Variants in ANXA6 observed in about 807,000 individuals in gnomAD.
ANXA6 encodes 67 kDa calelectrin.
ANXA6 carries 71 observed loss-of-function variants against 95.4 expected under a neutral mutation model. The observed-to-expected ratio is 0.74, with a 90% confidence interval of 0.61 to 0.91. The LOEUF (loss-of-function observed/expected upper bound fraction) is 0.91, where lower values mean the gene tolerates loss of function less well. Ranked by LOEUF, ANXA6 falls within the 40% of genes least tolerant of loss-of-function variation. ANXA6 has a pLI of 0.00. For missense variants in ANXA6, 830 were observed against 876.4 expected (o/e 0.95, Z 0.67); for synonymous variants, 289 against 315.9 (o/e 0.91, Z 0.90).
At position 151,122,155 on chromosome 5, in the gene ANXA6, CCTT is replaced by C. The variant is rs748955020; in HGVS notation, c.1336_1338del (p.Lys446del). ...CTGGTGCCACACTGTACCTCCATGG[CCTT>C]CTTCAACTGCTTGGCATCGTAATGG... is the stretch of plus-strand genomic sequence containing the variant. On this transcript the variant is annotated inframe_deletion, in exon 17 of 26. Transcript: ENST00000354546. 7 of 1,592,748 alleles carry C rather than the reference CCTT, an allele frequency of 4.4e-6. No individual in the cohort carries two copies. Among genetic ancestry groups the C allele is most frequent in the Non-Finnish European group, 6.0e-6 (7 of 1,172,138 alleles).
At chr5:151,104,672 G>GC in intron 24 of ANXA6, among the ~76,000 whole-genome samples, 1 of 152,332 alleles carries the variant, frequency 6.6e-6, no homozygotes, top group South Asian at 2.1e-4. Context: ...ACCTGCCCAG[G>GC]CTATCTGCAG....
rs1156817939 is a variant in ANXA6, at chr5:151,128,174, C to T, written c.977+7G>A. 6.2e-7 allele frequency: 1 copy of T among 1,611,502 alleles called. No individual in the cohort carries two copies. Among genetic ancestry groups the T allele is most frequent in the Admixed American group, 1.7e-5 (1 of 59,768 alleles). Reference sequence around the variant, plus strand: ...GCCCTCCAGCCAGGGGCCAAGAAGCCACTTACTCATCATCTCCCCCAGACA... The same window carrying T: ...GCCCTCCAGCCAGGGGCCAAGAAGCTACTTACTCATCATCTCCCCCAGACA... On this transcript the variant is annotated splice_region_variant and intron_variant, in intron 13 of 25. Transcript: ENST00000354546.
chr5:151,102,858 G>C (rs1167803372), intron 25 of ANXA6, among the ~76,000 whole-genome samples: 1 of 152,222 alleles, frequency 6.6e-6, no homozygotes, highest in Non-Finnish European at 1.5e-5. Context: ...ACAGGTATGA[G>C]AGAGCTTAGT....
chr5:151,156,129 A>C (rs1766231142), intron 1 of ANXA6, among the ~76,000 whole-genome samples: 1 of 152,264 alleles, frequency 6.6e-6, no homozygotes, highest in Non-Finnish European at 1.5e-5. Flanking sequence ...CAAAGGGTAG[A>C]TAAGGCAAAG....
At chr5:151,111,316 C>A (rs1013044786) in intron 20 of ANXA6, among the ~76,000 whole-genome samples, 7 of 152,350 alleles carry the variant, frequency 4.6e-5, no homozygotes, top group Non-Finnish European at 1.0e-4. Flanking sequence ...GAACAAAATA[C>A]CCAGGCTCAT....
intron 1 of ANXA6, among the ~76,000 whole-genome samples, chr5:151,157,137 G>A (rs1471993894): frequency 2.0e-5 from 3 of 152,132 alleles, no homozygotes; most frequent in Non-Finnish European, 4.4e-5. Context: ...AGGGGATGGG[G>A]TCCAATGAGG....
intron 8 of ANXA6, 79 bp downstream of exon 8, chr5:151,134,348 G>T (rs1407287756): frequency 2.1e-6 from 3 of 1,426,628 alleles, no homozygotes; most frequent in Non-Finnish European, 3.0e-6. Context: ...TTCACCTCCA[G>T]CCCTTCCCAG....
chr5:151,110,606 A>C, intron 21 of ANXA6, 21 bp downstream of exon 21: 1 of 1,612,494 alleles, frequency 6.2e-7, no homozygotes, highest in Non-Finnish European at 8.5e-7. Context: ...TTAAAACCCA[A>C]ATGAAGAACA....
intron 7 of ANXA6, 39 bp downstream of exon 7, chr5:151,136,217 T>C: frequency 6.2e-7 from 1 of 1,603,858 alleles, no homozygotes; most frequent in Non-Finnish European, 8.5e-7. Flanking sequence ...ACAAAAGCTA[T>C]CCCAAGCTCC....
At chr5:151,143,799 G>C (rs539576480) in intron 2 of ANXA6, among the ~76,000 whole-genome samples, 2 of 152,046 alleles carry the variant, frequency 1.3e-5, no homozygotes, top group Admixed American at 6.6e-5. Context: ...GAATGACTGC[G>C]AATATATTCC....
intron 5 of ANXA6, among the ~76,000 whole-genome samples, chr5:151,138,444 C>T (rs537071163): frequency 1.1e-4 from 17 of 152,164 alleles, no homozygotes; most frequent in Non-Finnish European, 2.4e-4. Context: ...GTCCCTATAA[C>T]CTGTATCCTT....
intron 2 of ANXA6, 47 bp downstream of exon 2, chr5:151,147,837 G>A: frequency 6.3e-7 from 1 of 1,575,740 alleles, no homozygotes; most frequent in Non-Finnish European, 8.6e-7. Context: ...AGGATCCCAG[G>A]CCCAGAGAAG....
At chr5:151,131,381 G>A in intron 10 of ANXA6, 92 bp from the exon 11 acceptor site, 1 of 1,329,588 alleles carries the variant, frequency 7.5e-7, no homozygotes, top group Non-Finnish European at 1.1e-6. Context: ...ATTCCTTGAG[G>A]GCCACCTAGC....
intron 2 of ANXA6, among the ~76,000 whole-genome samples, chr5:151,146,793 T>C (rs367830321): frequency 6.6e-6 from 1 of 151,426 alleles, no homozygotes; most frequent in Non-Finnish European, 1.5e-5. Flanking sequence ...CAGAGTAGAG[T>C]GGGGTTTTTT....
intron 20 of ANXA6, among the ~76,000 whole-genome samples, chr5:151,111,620 G>T (rs1252781601): frequency 1.3e-5 from 2 of 152,204 alleles, no homozygotes; most frequent in Non-Finnish European, 2.9e-5. Context: ...ACAGGGTCTT[G>T]CTCTGTTGCC....
At chr5:151,139,052 C>G in intron 4 of ANXA6, 1 of 594,170 alleles carries the variant, frequency 1.7e-6, no homozygotes, top group South Asian at 2.0e-5. Context: ...CCACCACTGT[C>G]TGTTTCCTCG....
chr5:151,111,657 C>T (rs1385295007), intron 20 of ANXA6, among the ~76,000 whole-genome samples: 1 of 152,208 alleles, frequency 6.6e-6, no homozygotes, highest in African/African-American at 2.4e-5. Flanking sequence ...GGCACAATCT[C>T]GGCTCACTGC....
intron 1 of ANXA6, 109 bp from the exon 2 acceptor site, chr5:151,148,035 G>A (rs1273945305): frequency 9.2e-7 from 1 of 1,082,928 alleles, no homozygotes; most frequent in African/African-American, 1.6e-5. Context: ...CAGCCCTTCA[G>A]GTTAAATCAG....
intron 5 of ANXA6, 94 bp downstream of exon 5, chr5:151,138,584 G>A: frequency 1.3e-6 from 1 of 790,580 alleles, no homozygotes; most frequent in Non-Finnish European, 2.2e-6. Flanking sequence ...TGTGCTGGGT[G>A]GGTATGGGGC....
Sources: allele counts gnomAD v4.1 joint callset (sites outside exome capture counted in the v4.1 genomes callset), GRCh38; gene constraint gnomAD v4.1.1; transcripts MANE v1.5; gene names NCBI Gene and HGNC (gene_info 2026-07-23, HGNC 2026-07-21).